The following CUL9 variants were observed in gnomAD, a reference collection of about 807,000 sequenced individuals.
The protein encoded by CUL9 is cullin 9.
Under a neutral mutation model 272.6 loss-of-function variants are expected in CUL9, and 79 were observed. The observed-to-expected ratio is 0.29, with a 90% CI of 0.24 to 0.35. CUL9 has a LOEUF of 0.35. Among genes scored for constraint, CUL9 ranks in the 10% least tolerant of loss-of-function variants. The probability of loss-of-function intolerance (pLI) is 1.00; values close to 1 mark genes in which losing one functional copy is unlikely to be tolerated. For synonymous variants in CUL9, 1,186 were observed against 1,286.5 expected, an observed-to-expected ratio of 0.92 and a Z score of 1.67; for missense variants, 2,532 against 3,255.6, an observed-to-expected ratio of 0.78 and a Z score of 5.41.
intron 9 of CUL9, among the ~76,000 whole-genome samples, chr6:43,194,193 C>T (rs1424678332): frequency 1.3e-5 from 2 of 152,174 alleles, no homozygotes; most frequent in Admixed American, 6.5e-5. Flanking sequence ...GAATGGATTC[C>T]AGTAGTATAA....
At position 43,221,105 on chromosome 6, in the gene CUL9, G is replaced by A. The variant is rs1002459988; in HGVS notation, c.6589-53G>A. On this transcript the variant is annotated intron_variant, in intron 33 of 40. Coordinates refer to ENST00000252050, the MANE Select transcript of CUL9 (RefSeq NM_015089.4). This position sits in a 1 kb window ranked among gnomAD's most constrained non-coding sequence, Gnocchi z 4.2. ...GCTCCCCTCTCTCCTGTGCACACCA[G>A]CCATGCTGCCCTCACGGCTCAGCTG... 3 of 1,590,696 alleles carry A rather than the reference G, an allele frequency of 1.9e-6. No individual in the cohort carries two copies. Among genetic ancestry groups the A allele is most frequent in the African/African-American group, 1.3e-5 (1 of 74,382 alleles).
In CUL9 at chr6:43,184,232, A is replaced by G; in HGVS notation, c.-9-70A>G. The stretch of plus-strand genomic sequence containing the variant: ...CACCACCCACCTTCTCTGTGTCTCA[A>G]GATTCCACCCCCTCCATGTATTTTT... On this transcript the variant is annotated intron_variant, in intron 1 of 40. Transcript: ENST00000252050. The surrounding 1 kb of genome is among the most constrained non-coding windows in gnomAD (Gnocchi z 4.8). 1.6e-6 allele frequency: 2 copies of G among 1,222,626 alleles called. No homozygotes were observed. The highest frequency in any genetic ancestry group is 5.4e-5 in the East Asian group (2 of 36,912). 75.7% of individuals were successfully genotyped at this position (1,222,626 alleles called of 1,614,324 possible).
rs1776272581 is a variant in CUL9, at chr6:43,220,567, G to A, written c.6391G>A (p.Ala2131Thr). Residue 2131 changes from alanine to threonine, a missense_variant, in exon 32 of 41, where the codon GCC becomes ACC. Coordinates refer to ENST00000252050, the MANE Select transcript of CUL9 (RefSeq NM_015089.4). The surrounding 1 kb of genome is among the most constrained non-coding windows in gnomAD (Gnocchi z 4.9). ...PAQPTGAFIRAIVSSPEVISK... is the reference protein window; with the variant it reads ...PAQPTGAFIRTIVSSPEVISK... ...CCAGCCCACCGGAGCCTTCATTCGTGCCATCGTCTCCTCGCCAGAGGTCAT... is the reference window on the plus strand; with the variant it reads ...CCAGCCCACCGGAGCCTTCATTCGTACCATCGTCTCCTCGCCAGAGGTCAT... 6.2e-7 allele frequency: 1 copy of A among 1,614,114 alleles called. No homozygotes were observed. The highest frequency in any genetic ancestry group is 1.1e-5 in the South Asian group (1 of 91,080).
chr6:43,186,934 C>T (rs1772978306), intron 4 of CUL9, 26 bp from the exon 5 acceptor site: 2 of 1,611,800 alleles, frequency 1.2e-6, no homozygotes, highest in Non-Finnish European at 1.7e-6. Context: ...CTCTATTCTG[C>T]TCTCTTTCTT....
rs147913062 is a variant in CUL9 at position 43,184,338 on chromosome 6, C to A, written c.28C>A (p.Leu10Ile). The change falls in exon 2 of 41, where the codon CTC becomes ATC. Residue 10 changes from leucine to isoleucine, a missense_variant. Physicochemically the swap from Leu to Ile is conservative, Grantham distance 5. Around this residue, in one of 3 missense-constraint regions of CUL9, gnomAD observed 2,218 missense variants for 2,788.6 expected, o/e 0.80. Transcript: ENST00000252050. The surrounding 1 kb of genome is among the most constrained non-coding windows in gnomAD (Gnocchi z 4.8). MVGERHAGD[L>I]MVPLGPRLQA... ...GGTGGGGGAACGGCATGCTGGGGACCTCATGGTGCCCTTAGGGCCTCGGCT... is the reference window on the plus strand; with the variant it reads ...GGTGGGGGAACGGCATGCTGGGGACATCATGGTGCCCTTAGGGCCTCGGCT... The A allele has an allele frequency of 6.4e-7, 1 of 1,551,440 alleles. No homozygotes were observed. The highest frequency in any genetic ancestry group is 1.4e-5 in the African/African-American group (1 of 73,506).
At chr6:43,214,155 C>T (rs1775745560) in intron 29 of CUL9, among the ~76,000 whole-genome samples, 1 of 152,222 alleles carries the variant, frequency 6.6e-6, no homozygotes, top group Non-Finnish European at 1.5e-5. Context: ...TACAGTGGCT[C>T]ATATCTGTGA....
Position 43,199,128 on chromosome 6 carries a change from G to C in CUL9, c.3051-138G>C, listed in dbSNP as rs866797144. 2.8e-5 allele frequency: 22 copies of C among 786,654 alleles called. No individual in the cohort carries two copies. In the South Asian group the frequency reaches 3.5e-4, roughly 13 times the overall value. 48.7% of individuals were successfully genotyped at this position (786,654 alleles called of 1,614,324 possible). On this transcript the variant is annotated intron_variant, in intron 12 of 40. Transcript: ENST00000252050. The surrounding 1 kb of genome is among the most constrained non-coding windows in gnomAD (Gnocchi z 4.4). ...ATTTTGTATTTTTAGTAGAGATGGG[G>C]TTTCTCCATTTTGGTCAGGCTGGTC...
At chr6:43,185,011 GA>G in intron 2 of CUL9, 106 bp downstream of exon 2, 1 of 888,200 alleles carries the variant, frequency 1.1e-6, no homozygotes, top group Non-Finnish European at 1.7e-6. Context: ...AGTATTTGGT[GA>G]ATATCAATTT....
chr6:43,187,777 A>G lies in CUL9; in HGVS notation c.1646A>G (p.Gln549Arg). ...VSVEMAESLLQVLSSRFEGST... is the reference protein window; with the variant it reads ...VSVEMAESLLRVLSSRFEGST... ...GTGGAAATGGCCGAGAGTCTGCTGC[A>G]GGTTCTCAGTAGTCGATTTGAGGGC... The change falls in exon 7 of 41, where the codon CAG becomes CGG. Residue 549 changes from glutamine (Q) to arginine (R), a missense_variant. Gln to Arg is a conservative substitution (Grantham distance 43). This residue lies in a region of CUL9 where 2,218 missense variants were observed against 2,788.6 expected (regional missense o/e 0.80). Coordinates refer to ENST00000252050, the MANE Select transcript of CUL9 (RefSeq NM_015089.4). The G allele has an allele frequency of 6.2e-7, 1 of 1,613,894 alleles. No homozygotes were observed. The highest frequency in any genetic ancestry group is 8.5e-7 in the Non-Finnish European group (1 of 1,179,982).
Position 43,185,501 on chromosome 6 carries a change from T to G in CUL9, c.641T>G (p.Ile214Ser). Residue 214 changes from isoleucine (I) to serine (S), a missense_variant, in exon 3 of 41, where the codon ATC (isoleucine) becomes AGC (serine). Coordinates refer to ENST00000252050, the MANE Select transcript of CUL9 (RefSeq NM_015089.4). ...CTATCACTGAGCCAGCAAGATGGCA[T>G]CGAGCAGCACATGGATTTTGACAGT... ...VLLSLSQQDGIEQHMDFDSRY... is the reference protein window; with the variant it reads ...VLLSLSQQDGSEQHMDFDSRY... 6.2e-7 allele frequency: 1 copy of G among 1,614,056 alleles called. No individual in the cohort carries two copies. The highest frequency in any genetic ancestry group is 2.2e-5 in the East Asian group (1 of 44,890).
intron 26 of CUL9, among the ~76,000 whole-genome samples, chr6:43,207,551 T>C (rs1046079752): frequency 1.1e-4 from 17 of 152,266 alleles, no homozygotes; most frequent in African/African-American, 3.6e-4. Flanking sequence ...TGGGATGTTC[T>C]GTAAGTTTTT....
chr6:43,188,979 TTATCC>T (rs1773170876), intron 8 of CUL9: 1 of 328,420 alleles, frequency 3.0e-6, no homozygotes, highest in African/African-American at 2.1e-5. Flanking sequence ...GGTAATATTA[TTATCC>T]TACTATATGG....
chr6:43,188,366 A>T (rs766669279), intron 7 of CUL9, 157 bp from the exon 8 acceptor site: 78 of 831,868 alleles, frequency 9.4e-5, no homozygotes, highest in Non-Finnish European at 1.3e-4. Flanking sequence ...CCTTTGTTTG[A>T]TCATTAGATC....
chr6:43,197,874 A>G (rs1774158827), intron 11 of CUL9, among the ~76,000 whole-genome samples: 1 of 152,356 alleles, frequency 6.6e-6, no homozygotes, highest in Non-Finnish European at 1.5e-5. Flanking sequence ...AACATTAGAT[A>G]TTGATACTGG....
At chr6:43,197,614 G>T (rs1173942521) in intron 11 of CUL9, among the ~76,000 whole-genome samples, 1 of 151,882 alleles carries the variant, frequency 6.6e-6, no homozygotes, top group Non-Finnish European at 1.5e-5. Flanking sequence ...CTCCTGAGTA[G>T]CTGGGATTAC....
In CUL9 at chr6:43,206,588, G is replaced by C. The variant is rs1175617764; in HGVS notation, c.5212+78G>C. 13 of 1,369,480 alleles carry C rather than the reference G, an allele frequency of 9.5e-6. No individual in the cohort carries two copies. Among genetic ancestry groups the C allele is most frequent in the Non-Finnish European group, 1.3e-5 (13 of 964,170 alleles). The allele number at this position is 1,369,480 out of a possible 1,614,324, so 84.8% of individuals were successfully genotyped here. A position where few individuals can be genotyped will look rare whatever the true frequency, so the allele number is the denominator to read the frequency against. On this transcript the variant is annotated intron_variant, in intron 26 of 40. Transcript: ENST00000252050. The surrounding 1 kb of genome is among the most constrained non-coding windows in gnomAD (Gnocchi z 4.8). The stretch of plus-strand genomic sequence containing the variant: ...AGAGAGGAAGAGGAGAGGACCTTTG[G>C]ACAGGATATAGATGTGAAGAAAAAT...
At chr6:43,201,064 C>T (rs530812150) in intron 16 of CUL9, among the ~76,000 whole-genome samples, 1 of 152,190 alleles carries the variant, frequency 6.6e-6, no homozygotes, top group Non-Finnish European at 1.5e-5. Flanking sequence ...CTGCCCTGTG[C>T]TTAGTGTTGA....
Position 43,200,198 on chromosome 6 carries a change from C to CAGA in CUL9, c.3384+45_3384+47dup, listed in dbSNP as rs1184762580. ...GGTATGCAGCTGAGAGAATGCAAGT[C>CAGA]AGAAGCAGGAGAAGGGGATTCACTG... On this transcript the variant is annotated intron_variant, in intron 14 of 40. Transcript: ENST00000252050. The surrounding 1 kb of genome is among the most constrained non-coding windows in gnomAD (Gnocchi z 4.0). 1 of 1,571,566 alleles carries CAGA rather than the reference C, an allele frequency of 6.4e-7. No individual in the cohort carries two copies.
At position 43,222,578 on chromosome 6, in the gene CUL9, G is replaced by A; in HGVS notation, c.6969G>A (p.Val2323=). 1 of 1,613,624 alleles carries A rather than the reference G, an allele frequency of 6.2e-7. No homozygotes were observed. The highest frequency in any genetic ancestry group is 8.5e-7 in the Non-Finnish European group (1 of 1,180,028). The change falls in exon 37 of 41, where the codon GTG becomes GTA. Residue 2323 remains valine, a synonymous_variant. Coordinates refer to ENST00000252050, the MANE Select transcript of CUL9 (RefSeq NM_015089.4). ...LRNRVSAIHE[V]PPPRSFTFLN... ...ACCGGGTGTCTGCCATCCATGAAGT[G>A]CCCCCGCCCAGATCCTTCACCTTCC...
Sources: allele counts gnomAD v4.1 joint callset (sites outside exome capture counted in the v4.1 genomes callset), GRCh38; gene constraint gnomAD v4.1.1; regional missense constraint gnomAD v4.1.1; non-coding constraint Gnocchi (gnomAD v3.1); transcripts MANE v1.5; gene names NCBI Gene and HGNC (gene_info 2026-07-23, HGNC 2026-07-21).